The following LSM6 variants were observed in gnomAD, a reference collection of about 807,000 sequenced individuals.
LSM6 encodes the protein U6 snRNA-associated Sm-like protein LSm6.
In LSM6, 2 loss-of-function variants were observed where a neutral mutation model predicts 13.5. That is an observed-to-expected ratio of 0.15 (90% confidence interval 0.06 to 0.47). The LOEUF is 0.47. Ranked by LOEUF, LSM6 falls within the 20% of genes least tolerant of loss-of-function variation. LSM6 has a pLI of 0.97. For missense variants in LSM6, 58 were observed against 96.4 expected, an observed-to-expected ratio of 0.60 and a Z score of 1.67; for synonymous variants, 43 against 34.9, an observed-to-expected ratio of 1.23 and a Z score of -0.82.
intron 1 of LSM6, among the ~76,000 whole-genome samples, chr4:146,182,197 T>G (rs1310539628): frequency 6.6e-6 from 1 of 152,164 alleles, no homozygotes; most frequent in Non-Finnish European, 1.5e-5. Context: ...AAACAATACC[T>G]CCCTTTTAGG....
At chr4:146,188,105 CTT>C (rs1253155049) in intron 3 of LSM6, among the ~76,000 whole-genome samples, 2 of 152,238 alleles carry the variant, frequency 1.3e-5, no homozygotes, top group Admixed American at 6.5e-5. Flanking sequence ...AGTTGGATCT[CTT>C]TGCTATAAAC....
chr4:146,177,799 C>T (rs1730143723), intron 1 of LSM6, among the ~76,000 whole-genome samples: 7 of 152,170 alleles, frequency 4.6e-5, no homozygotes, highest in Admixed American at 2.0e-4. Context: ...AGTAGCACCA[C>T]CTTCCTCAGT....
chr4:146,187,027 A>G (rs1730365175), intron 2 of LSM6, among the ~76,000 whole-genome samples: 2 of 152,218 alleles, frequency 1.3e-5, no homozygotes, highest in South Asian at 4.1e-4. Flanking sequence ...CATACGTACC[A>G]TGAGGGAAGT....
intron 1 of LSM6, chr4:146,176,834 C>A (rs1348829626): frequency 6.6e-6 from 1 of 151,650 alleles, no homozygotes; most frequent in Non-Finnish European, 1.5e-5. Flanking sequence ...AACTCTTTTC[C>A]CCCTATTTTT....
At chr4:146,178,336 G>C (rs1252692734) in intron 1 of LSM6, among the ~76,000 whole-genome samples, 1 of 152,204 alleles carries the variant, frequency 6.6e-6, no homozygotes, top group Non-Finnish European at 1.5e-5. Context: ...ACTGAGAGTG[G>C]AAAGAGGTGC....
Position 146,190,714 on chromosome 4 carries a change from CCAAA to C in LSM6, c.*1061_*1064del, listed in dbSNP as rs1400270120. On this transcript the variant is annotated 3_prime_UTR_variant, in exon 4 of 4. Transcript: ENST00000296581. ...GCTTTCCACAACCCTGCTTTATTCT[CCAAA>C]CAGTTTTACGCTGTCTCTAGGAACA... The C allele has an allele frequency of 3.3e-5, 5 of 152,266 alleles. No individual in the cohort carries two copies. The highest frequency in any genetic ancestry group is 5.9e-5 in the Non-Finnish European group (4 of 68,068). 9.4% of individuals were successfully genotyped at this position (152,266 alleles called of 1,614,324 possible).
chr4:146,175,958 C>T (rs1730095052), intron 1 of LSM6, 147 bp downstream of exon 1: 1 of 152,548 alleles, frequency 6.6e-6, no homozygotes, highest in Non-Finnish European at 1.5e-5. Flanking sequence ...GGTGAACAGG[C>T]TGGGGCTCCG....
intron 1 of LSM6, among the ~76,000 whole-genome samples, chr4:146,177,234 TC>T (rs1730132030): frequency 6.6e-6 from 1 of 152,188 alleles, no homozygotes; most frequent in Non-Finnish European, 1.5e-5. Context: ...GTTTCCTGCC[TC>T]CCAAGTGAGT....
chr4:146,175,748 G>C lies in LSM6; in HGVS notation c.-74G>C, dbSNP rs1387269177. 6.6e-6 allele frequency: 1 copy of C among 152,348 alleles called. No homozygotes were observed. Among genetic ancestry groups the C allele is most frequent in the Non-Finnish European group, 1.5e-5 (1 of 68,144 alleles). The allele number at this position is 152,348 out of a possible 1,614,324, so 9.4% of individuals were successfully genotyped here. On this transcript the variant is annotated 5_prime_UTR_variant, in exon 1 of 4. Coordinates refer to ENST00000296581, the MANE Select transcript of LSM6 (RefSeq NM_007080.3). ...CCTCGGCGCTTTCGGTTTTGGCTGG[G>C]ATCATCCGCGGCGGCCGGGCTCGTG...
intron 1 of LSM6, 48 bp from the exon 2 acceptor site, chr4:146,182,864 C>A: frequency 1.1e-5 from 12 of 1,098,846 alleles, no homozygotes; most frequent in Non-Finnish European, 1.7e-5. Context: ...GTTGAATAAT[C>A]AACTTTGGTC....
intron 2 of LSM6, among the ~76,000 whole-genome samples, chr4:146,183,870 C>CTT (rs1206702736): frequency 4.3e-4 from 51 of 117,476 alleles, no homozygotes; most frequent in Non-Finnish European, 5.8e-4. Context: ...GGGTAATTTT[C>CTT]TTTTTTTTTT....
At chr4:146,176,070 C>G (rs897700077) in intron 1 of LSM6, 4 of 152,302 alleles carry the variant, frequency 2.6e-5, no homozygotes, top group Admixed American at 6.5e-5. Context: ...CGGGACCGCC[C>G]TCAGCGAGGC....
At chr4:146,178,214 C>T (rs1230055668) in intron 1 of LSM6, among the ~76,000 whole-genome samples, 1 of 152,142 alleles carries the variant, frequency 6.6e-6, no homozygotes, top group African/African-American at 2.4e-5. Flanking sequence ...TGCTTAGGTA[C>T]CAGGGACACC....
At chr4:146,185,829 C>G (rs1730337573) in intron 2 of LSM6, among the ~76,000 whole-genome samples, 2 of 152,022 alleles carry the variant, frequency 1.3e-5, no homozygotes, top group Admixed American at 1.3e-4. Flanking sequence ...CTCCGCCTCC[C>G]AAGTTCAGAC....
intron 2 of LSM6, chr4:146,183,543 CT>C (rs1730277392): frequency 6.6e-6 from 1 of 152,296 alleles, no homozygotes. Context: ...TTGAAATTAA[CT>C]TTATAGGAAG....
At chr4:146,181,013 G>C (rs1730219954) in intron 1 of LSM6, 1 of 152,208 alleles carries the variant, frequency 6.6e-6, no homozygotes, top group Admixed American at 6.5e-5. Context: ...ATTACTGTGT[G>C]ATCTGAGTCC....
At position 146,177,981 on chromosome 4, in the gene LSM6, T is replaced by C. The variant is rs555983507; in HGVS notation, c.-11+2170T>C. ...GAGTAGACTTCGGGAAAATCTGCAT[T>C]TTAACAAGCATCTCTAGATTTGGAA... On this transcript the variant is annotated intron_variant, in intron 1 of 3. Coordinates refer to ENST00000296581, the MANE Select transcript of LSM6 (RefSeq NM_007080.3). Among the ~76,000 whole-genome samples, 3 of 152,348 alleles carry C rather than the reference T, an allele frequency of 2.0e-5. No homozygotes were observed. In the East Asian group the frequency reaches 5.8e-4, roughly 29 times the overall value.
intron 1 of LSM6, chr4:146,176,416 C>T (rs1730109691): frequency 6.6e-6 from 1 of 152,274 alleles, no homozygotes; most frequent in Admixed American, 6.5e-5. Context: ...GTCCGCACAC[C>T]TGCATAGCAG....
rs1281044614 is a variant in LSM6 at position 146,190,810 on chromosome 4, C to G, written c.*1154C>G. 1 of 152,206 alleles carries G rather than the reference C, an allele frequency of 6.6e-6. No individual in the cohort carries two copies. The highest frequency in any genetic ancestry group is 2.4e-5 in the African/African-American group (1 of 41,434). The allele number at this position is 152,206 out of a possible 1,614,324, so 9.4% of individuals were successfully genotyped here. A position where few individuals can be genotyped will look rare whatever the true frequency, so the allele number is the denominator to read the frequency against. Reference sequence around the variant, plus strand: ...ATTGTGTGAATGTTGTATTGGACTTCCTCTTCCCTCCCTTCCCAATCTAAA... The same window carrying G: ...ATTGTGTGAATGTTGTATTGGACTTGCTCTTCCCTCCCTTCCCAATCTAAA... On this transcript the variant is annotated 3_prime_UTR_variant, in exon 4 of 4. Coordinates refer to ENST00000296581, the MANE Select transcript of LSM6 (RefSeq NM_007080.3).
Sources: gnomAD v4.1 joint callset for allele counts (sites outside exome capture counted in the v4.1 genomes callset) on GRCh38, gnomAD v4.1.1 for gene constraint, MANE v1.5 for transcripts, NCBI Gene and HGNC (gene_info 2026-07-23, HGNC 2026-07-21) for gene names.